Variants in SHISA9 observed in about 807,000 individuals in gnomAD.
SHISA9 encodes protein shisa-9.
A neutral mutation model predicts 38.0 loss-of-function variants in SHISA9; 13 were observed. That is an observed-to-expected ratio of 0.34 (90% CI 0.22 to 0.54). SHISA9 has a LOEUF of 0.54. SHISA9 is among the 20% of genes least tolerant of loss of function. The pLI is 0.91. For missense variants in SHISA9, 538 were observed against 575.8 expected, an observed-to-expected ratio of 0.93 and a Z score of 0.67; for synonymous variants, 275 against 242.0, an observed-to-expected ratio of 1.14 and a Z score of -1.27.
chr16:13,241,286 G>A (rs1358641039), downstream of SHISA9, among the ~76,000 whole-genome samples: 4 of 152,128 alleles, frequency 2.6e-5, no homozygotes, highest in South Asian at 2.1e-4. Context: ...AGGCCAAGGC[G>A]GGCAGATCAC....
At chr16:13,333,877 C>G in the SHISA9 span, among the ~76,000 whole-genome samples, 1 of 152,148 alleles carries the variant, frequency 6.6e-6, no homozygotes, top group African/African-American at 2.4e-5. Context: ...ACTTCATAAC[C>G]TTGTTACAAA....
intron 2 of SHISA9, among the ~76,000 whole-genome samples, chr16:13,145,250 C>T (rs946106914): frequency 2.0e-5 from 3 of 152,282 alleles, no homozygotes; most frequent in South Asian, 2.1e-4. Flanking sequence ...GTGAGTTGGG[C>T]GTGGTGGCTC....
intron 2 of SHISA9, among the ~76,000 whole-genome samples, chr16:13,157,226 G>A (rs1051181172): frequency 6.6e-6 from 1 of 152,166 alleles, no homozygotes; most frequent in African/African-American, 2.4e-5. Flanking sequence ...TGGGCTATAA[G>A]AAAGATTTGA....
chr16:13,510,119 A>G, the SHISA9 span, among the ~76,000 whole-genome samples: 1 of 152,222 alleles, frequency 6.6e-6, no homozygotes, highest in South Asian at 2.1e-4. Context: ...CAGGCTGGCC[A>G]ACATGGTGAA....
At chr16:13,119,995 C>T (rs920203088) in intron 2 of SHISA9, among the ~76,000 whole-genome samples, 4 of 151,896 alleles carry the variant, frequency 2.6e-5, no homozygotes, top group African/African-American at 9.7e-5. Flanking sequence ...GGGAACATGA[C>T]AGGGAGACAT....
chr16:13,221,093 A>C (rs2051220084), intron 4 of SHISA9, among the ~76,000 whole-genome samples: 1 of 152,130 alleles, frequency 6.6e-6, no homozygotes, highest in South Asian at 2.1e-4. Context: ...AAGACTAAAA[A>C]AGGGCCAGGC....
chr16:13,310,949 T>G, the SHISA9 span, among the ~76,000 whole-genome samples: 1 of 152,152 alleles, frequency 6.6e-6, no homozygotes, highest in Admixed American at 6.5e-5. Context: ...CCCAACGTGC[T>G]GGTATTACAG....
chr16:13,246,650 G>GAGTC, the SHISA9 span, among the ~76,000 whole-genome samples: 16 of 152,236 alleles, frequency 1.1e-4, no homozygotes, highest in African/African-American at 3.9e-4. Context: ...CAGTCAGCAT[G>GAGTC]AGTCTCTAAA....
At chr16:13,069,125 A>G (rs564280634) in intron 2 of SHISA9, among the ~76,000 whole-genome samples, 4 of 151,534 alleles carry the variant, frequency 2.6e-5, no homozygotes, top group South Asian at 4.2e-4. Context: ...TGCAATGTGT[A>G]TATGCACATA....
chr16:13,322,762 A>G, the SHISA9 span, among the ~76,000 whole-genome samples: 104,978 of 152,002 alleles, frequency 0.69, 36,804 homozygotes, highest in African/African-American at 0.79. Context: ...GGGGATGAGG[A>G]AAGCTTGAGA....
the SHISA9 span, among the ~76,000 whole-genome samples, chr16:13,324,743 C>A: frequency 6.6e-6 from 1 of 152,160 alleles, no homozygotes; most frequent in Non-Finnish European, 1.5e-5. Context: ...CCGTGACACA[C>A]CCTCAGGAGG....
chr16:12,990,210 T>G (rs1156472954), intron 2 of SHISA9, among the ~76,000 whole-genome samples: 1 of 152,232 alleles, frequency 6.6e-6, no homozygotes, highest in African/African-American at 2.4e-5. Flanking sequence ...ATTCCATGTC[T>G]TTGCTATTGG....
the SHISA9 span, among the ~76,000 whole-genome samples, chr16:13,446,972 T>C: frequency 2.4e-5 from 3 of 124,022 alleles, no homozygotes; most frequent in African/African-American, 6.5e-5. Flanking sequence ...AGAGCGAAAC[T>C]CCATCTCAAA....
chr16:13,145,487 A>G (rs1171607438), intron 2 of SHISA9, among the ~76,000 whole-genome samples: 1 of 152,224 alleles, frequency 6.6e-6, no homozygotes, highest in Non-Finnish European at 1.5e-5. Flanking sequence ...AGATCGTGCC[A>G]TTGCACTCCA....
the SHISA9 span, among the ~76,000 whole-genome samples, chr16:13,554,084 AT>A: frequency 1.3e-5 from 2 of 152,146 alleles, no homozygotes; most frequent in African/African-American, 4.8e-5. Flanking sequence ...ATAAAAAAAA[AT>A]AACTAGCATC....
chr16:12,989,092 T>G (rs2072350668), intron 2 of SHISA9, among the ~76,000 whole-genome samples: 1 of 152,230 alleles, frequency 6.6e-6, no homozygotes, highest in Non-Finnish European at 1.5e-5. Flanking sequence ...GTTTTCAGAC[T>G]AAAGATCCAT....
intron 1 of SHISA9, chr16:12,908,702 G>A (rs557366934): frequency 1.3e-6 from 2 of 1,493,102 alleles, no homozygotes; most frequent in East Asian, 5.0e-5. Flanking sequence ...ATGCATCGGG[G>A]CCAGTTCAAG....
At chr16:13,356,410 G>T in the SHISA9 span, among the ~76,000 whole-genome samples, 1 of 152,116 alleles carries the variant, frequency 6.6e-6, no homozygotes, top group African/African-American at 2.4e-5. Context: ...TTCTGATTTG[G>T]GATAAAGAAA....
At chr16:13,545,296 G>A in the SHISA9 span, among the ~76,000 whole-genome samples, 1 of 152,208 alleles carries the variant, frequency 6.6e-6, no homozygotes, top group Non-Finnish European at 1.5e-5. Flanking sequence ...TGGTCTGATT[G>A]TTAAGAACCA....
Sources: gnomAD v4.1 joint callset for allele counts (sites outside exome capture counted in the v4.1 genomes callset) on GRCh38, gnomAD v4.1.1 for gene constraint, MANE v1.5 for transcripts, NCBI Gene and HGNC (gene_info 2026-07-23, HGNC 2026-07-21) for gene names.